The following NAALADL2 variants were observed in gnomAD, a reference collection of about 807,000 sequenced individuals.
NAALADL2 encodes N-acetylated alpha-linked acidic dipeptidase like 2.
In NAALADL2, 76 loss-of-function variants were observed where a neutral mutation model predicts 87.2. The ratio of observed to expected loss-of-function variants is 0.87; its 90% confidence interval spans 0.72 to 1.05. The LOEUF is 1.05. Ranked by LOEUF, NAALADL2 falls within the 50% of genes least tolerant of loss-of-function variation. The probability of loss-of-function intolerance (pLI) is 0.00; values close to 1 mark genes in which losing one functional copy is unlikely to be tolerated. For missense variants in NAALADL2, 1,089 were observed against 945.8 expected, an observed-to-expected ratio of 1.15 and a Z score of -1.99; for synonymous variants, 354 against 331.0, an observed-to-expected ratio of 1.07 and a Z score of -0.75.
Position 175,096,748 on chromosome 3 carries a change from G to A in NAALADL2, c.44-42G>A, listed in dbSNP as rs936181135. On this transcript the variant is annotated intron_variant, in intron 1 of 13. Transcript: ENST00000454872. Reference sequence around the variant, plus strand: ...TTTCACTTTGTTAGTTTTTTTAATTGTGTGTTTATTTTATTAAAATATATT... The same window carrying A: ...TTTCACTTTGTTAGTTTTTTTAATTATGTGTTTATTTTATTAAAATATATT... 1.9e-5 allele frequency: 24 copies of A among 1,282,038 alleles called. No individual in the cohort carries two copies. The Middle Eastern group carries it at 1.1e-3, about 57-fold the overall frequency. The allele number at this position is 1,282,038 out of a possible 1,614,324, so 79.4% of individuals were successfully genotyped here. A position where few individuals can be genotyped will look rare whatever the true frequency, so the allele number is the denominator to read the frequency against.
At chr3:175,456,478 C>T (rs765925546) in intron 6 of NAALADL2, among the ~76,000 whole-genome samples, 14 of 152,024 alleles carry the variant, frequency 9.2e-5, no homozygotes, top group East Asian at 5.8e-4. Flanking sequence ...CACACACACA[C>T]GCAGCAATTT....
chr3:174,711,514 A>C (rs1730631491), intron 2 of NAALADL2, among the ~76,000 whole-genome samples: 1 of 152,188 alleles, frequency 6.6e-6, no homozygotes, highest in Admixed American at 6.5e-5. Context: ...TTTTATTTCA[A>C]ATACTTGGCT....
At chr3:175,698,361 G>A (rs184353014) in intron 11 of NAALADL2, among the ~76,000 whole-genome samples, 11,681 of 45,370 alleles carry the variant, frequency 0.26, 3,484 homozygotes, top group African/African-American at 0.57. Context: ...TTATGTATGT[G>A]TATATATGTA....
chr3:175,190,239 AT>A (rs1407514972), intron 2 of NAALADL2, among the ~76,000 whole-genome samples: 1 of 152,066 alleles, frequency 6.6e-6, no homozygotes, highest in Non-Finnish European at 1.5e-5. Flanking sequence ...TAATCTGTGT[AT>A]AGCAAAGGAA....
At chr3:175,389,571 T>C (rs978302745) in intron 5 of NAALADL2, among the ~76,000 whole-genome samples, 5 of 152,184 alleles carry the variant, frequency 3.3e-5, no homozygotes, top group Admixed American at 6.5e-5. Context: ...AGGAGAAACA[T>C]TAGTAAATGA....
intron 2 of NAALADL2, among the ~76,000 whole-genome samples, chr3:174,642,919 A>C (rs978397558): frequency 2.6e-5 from 4 of 151,736 alleles, no homozygotes; most frequent in African/African-American, 9.7e-5. Context: ...CGTAGCTGGG[A>C]CTATAGGCAC....
intron 2 of NAALADL2, among the ~76,000 whole-genome samples, chr3:174,558,672 G>A (rs1234370362): frequency 6.6e-6 from 1 of 152,122 alleles, no homozygotes; most frequent in African/African-American, 2.4e-5. Context: ...GGGAGGGGCT[G>A]TAAATACAGA....
chr3:175,399,279 G>A (rs1770243188), intron 5 of NAALADL2, among the ~76,000 whole-genome samples: 1 of 151,960 alleles, frequency 6.6e-6, no homozygotes, highest in South Asian at 2.1e-4. Flanking sequence ...CCCAAGTCTG[G>A]GTCTGTTTAG....
chr3:175,103,536 A>C (rs1260974620), intron 2 of NAALADL2, among the ~76,000 whole-genome samples: 3 of 152,158 alleles, frequency 2.0e-5, no homozygotes, highest in African/African-American at 7.2e-5. Flanking sequence ...TCCATTAATC[A>C]TAGCACTCTT....
chr3:174,779,434 C>T (rs1311583956), intron 3 of NAALADL2, among the ~76,000 whole-genome samples: 1 of 152,078 alleles, frequency 6.6e-6, no homozygotes, highest in Non-Finnish European at 1.5e-5. Context: ...TGCCTATTCA[C>T]TCTGATGATA....
At chr3:175,000,201 G>T (rs1020417557) in intron 1 of NAALADL2, among the ~76,000 whole-genome samples, 18 of 152,198 alleles carry the variant, frequency 1.2e-4, no homozygotes, top group Admixed American at 3.9e-4. Flanking sequence ...CATGATTCTT[G>T]TCCTTGAGGA....
intron 5 of NAALADL2, among the ~76,000 whole-genome samples, chr3:175,405,993 T>C (rs576819843): frequency 6.6e-6 from 1 of 152,250 alleles, no homozygotes; most frequent in Non-Finnish European, 1.5e-5. Context: ...GCGGGGAACA[T>C]AGTAAGTGCT....
chr3:174,834,625 A>G (rs1723122365), intron 3 of NAALADL2, among the ~76,000 whole-genome samples: 1 of 151,972 alleles, frequency 6.6e-6, no homozygotes, highest in Non-Finnish European at 1.5e-5. Flanking sequence ...TTTAATATAT[A>G]AAAAGTCAAT....
chr3:175,084,134 A>T (rs564355419), intron 1 of NAALADL2, among the ~76,000 whole-genome samples: 4 of 152,224 alleles, frequency 2.6e-5, no homozygotes, highest in Non-Finnish European at 5.9e-5. Flanking sequence ...TGATGTGATC[A>T]GGTGTGTGTT....
intron 3 of NAALADL2, among the ~76,000 whole-genome samples, chr3:174,826,215 C>T (rs1721980115): frequency 6.6e-6 from 1 of 152,184 alleles, no homozygotes; most frequent in Non-Finnish European, 1.5e-5. Context: ...TCTAATCTGT[C>T]TTTCCAACTA....
intron 11 of NAALADL2, chr3:175,718,474 G>C (rs1741711043): frequency 5.1e-6 from 8 of 1,583,304 alleles, no homozygotes; most frequent in Non-Finnish European, 6.1e-6. Flanking sequence ...TTTTAAGGCT[G>C]TATATTCGGT....
At chr3:174,526,325 G>A (rs1720743170) in intron 1 of NAALADL2, among the ~76,000 whole-genome samples, 1 of 152,146 alleles carries the variant, frequency 6.6e-6, no homozygotes, top group Non-Finnish European at 1.5e-5. Flanking sequence ...TAGACCACCA[G>A]CTTTCGAATT....
intron 5 of NAALADL2, among the ~76,000 whole-genome samples, chr3:175,375,208 T>A (rs570092243): frequency 1.1e-4 from 17 of 152,240 alleles, no homozygotes; most frequent in South Asian, 4.1e-4. Context: ...GACATTTTTT[T>A]AAAAAGTGCT....
chr3:174,475,164 A>G (rs1423816014), intron 1 of NAALADL2, among the ~76,000 whole-genome samples: 1 of 151,866 alleles, frequency 6.6e-6, no homozygotes, highest in Non-Finnish European at 1.5e-5. Flanking sequence ...CTGGTAAATT[A>G]GAAAAAAAAA....
Sources: allele counts gnomAD v4.1 joint callset (sites outside exome capture counted in the v4.1 genomes callset), GRCh38; gene constraint gnomAD v4.1.1; transcripts MANE v1.5; gene names NCBI Gene and HGNC (gene_info 2026-07-23, HGNC 2026-07-21).